Variants in SLCO1A2 observed in about 807,000 individuals in gnomAD.
The protein encoded by SLCO1A2 is OATP-1.
In SLCO1A2, 67 loss-of-function variants were observed where a neutral mutation model predicts 69.0. The ratio of observed to expected loss-of-function variants is 0.97; its 90% CI spans 0.80 to 1.19. The LOEUF (loss-of-function observed/expected upper bound fraction) is 1.19. Among genes scored for constraint, SLCO1A2 ranks in the 50% most tolerant of loss-of-function variants. SLCO1A2 has a pLI of 0.00. For synonymous variants in SLCO1A2, 260 were observed against 265.9 expected (o/e 0.98, Z 0.22); for missense variants, 787 against 793.7 (o/e 0.99, Z 0.10).
chr12:21,375,732 T>G (rs1043745659), intron 1 of SLCO1A2, among the ~76,000 whole-genome samples: 45 of 152,232 alleles, frequency 3.0e-4, no homozygotes, highest in Non-Finnish European at 4.0e-4. Context: ...TTTTGAAAAC[T>G]CTGGAGAGAC....
At chr12:21,278,541 G>C (rs1323335226) in intron 12 of SLCO1A2, among the ~76,000 whole-genome samples, 1 of 152,150 alleles carries the variant, frequency 6.6e-6, no homozygotes, top group African/African-American at 2.4e-5. Context: ...AGCACAGAGA[G>C]ACTCCACTTG....
chr12:21,386,935 T>A (rs1940910738), intron 1 of SLCO1A2, among the ~76,000 whole-genome samples: 2 of 152,148 alleles, frequency 1.3e-5, no homozygotes, highest in Admixed American at 1.3e-4. Context: ...ACTTGTTGAA[T>A]GGCTTTGATC....
At chr12:21,279,448 A>G (rs1944423126) in intron 12 of SLCO1A2, among the ~76,000 whole-genome samples, 1 of 152,186 alleles carries the variant, frequency 6.6e-6, no homozygotes, top group South Asian at 2.1e-4. Context: ...ACAATTCTAA[A>G]AGCAGCAAGA....
chr12:21,384,333 A>C (rs1371291087), intron 1 of SLCO1A2, among the ~76,000 whole-genome samples: 2 of 152,230 alleles, frequency 1.3e-5, no homozygotes, highest in African/African-American at 4.8e-5. Context: ...GATTTGCATA[A>C]GTAGATACCT....
intron 2 of SLCO1A2, among the ~76,000 whole-genome samples, chr12:21,328,661 T>C (rs1952413968): frequency 1.3e-5 from 2 of 152,152 alleles, no homozygotes. Context: ...CTTGGAGGCC[T>C]TCCCTCTTTC....
chr12:21,317,989 T>A (rs1951092175), intron 3 of SLCO1A2, among the ~76,000 whole-genome samples: 2 of 151,632 alleles, frequency 1.3e-5, no homozygotes, highest in Admixed American at 1.3e-4. Flanking sequence ...AAAGCAGTCT[T>A]TTCTTCTCTC....
Position 21,292,285 on chromosome 12 carries a change from G to A in SLCO1A2, c.1489C>T (p.Leu497Phe). The A allele has an allele frequency of 1.2e-6, 2 of 1,612,384 alleles. No individual in the cohort carries two copies. Among genetic ancestry groups the A allele is most frequent in the Non-Finnish European group, 1.7e-6 (2 of 1,178,874 alleles). Reference protein sequence around the residue: ...IQTSGNSSAVLGLCDKGPDCS... With the variant: ...IQTSGNSSAVFGLCDKGPDCS... ...TCAGGTCCTTTGTCGCACAGCCCAAGAACTGCAGATGAATTTCCTGATGTT... is the reference window on the plus strand; with the variant it reads ...TCAGGTCCTTTGTCGCACAGCCCAAAAACTGCAGATGAATTTCCTGATGTT... The change falls in exon 12 of 15, where the codon CTT becomes TTT. Residue 497 changes from leucine to phenylalanine, a missense_variant. By Grantham distance (22) the Leu-to-Phe change is conservative. Transcript: ENST00000683939.
chr12:21,376,482 T>G, intron 1 of SLCO1A2: 1 of 179,592 alleles, frequency 5.6e-6, no homozygotes. Flanking sequence ...AAATAAATAA[T>G]TGAACAGATA....
intron 1 of SLCO1A2, among the ~76,000 whole-genome samples, chr12:21,376,097 G>T (rs527393188): frequency 6.6e-6 from 1 of 152,146 alleles, no homozygotes; most frequent in Middle Eastern, 3.4e-3. Flanking sequence ...TCTTCTAAGT[G>T]GAATGATGGC....
intron 7 of SLCO1A2, 38 bp from the exon 8 acceptor site, chr12:21,300,607 A>T: frequency 6.9e-7 from 1 of 1,448,536 alleles, no homozygotes; most frequent in Non-Finnish European, 9.4e-7. Flanking sequence ...AGCTTAAGTC[A>T]GTATTTTCTG....
rs1211657021 is a variant in SLCO1A2, at chr12:21,266,522, T to C, written c.*3026A>G. The C allele has an allele frequency of 1.3e-5, 2 of 152,094 alleles. No individual in the cohort carries two copies. The highest frequency in any genetic ancestry group is 2.9e-5 in the Non-Finnish European group (2 of 68,022). The allele number at this position is 152,094 out of a possible 1,614,324, so 9.4% of individuals were successfully genotyped here. On this transcript the variant is annotated 3_prime_UTR_variant, in exon 15 of 15. Transcript: ENST00000683939. The stretch of plus-strand genomic sequence containing the variant: ...ATTTTTTCAATGTAGATAAATAATA[T>C]TTATTTCATAATAATAAATGATTCT...
chr12:21,317,495 T>C (rs1951026441), intron 3 of SLCO1A2, among the ~76,000 whole-genome samples: 1 of 152,230 alleles, frequency 6.6e-6, no homozygotes, highest in Admixed American at 6.5e-5. Context: ...CTTCTGTCCC[T>C]GTAAGACCTT....
At chr12:21,371,395 C>G (rs927849763) in intron 2 of SLCO1A2, among the ~76,000 whole-genome samples, 3 of 140,262 alleles carry the variant, frequency 2.1e-5, no homozygotes, top group Non-Finnish European at 4.6e-5. Flanking sequence ...CCTTCCATTT[C>G]TTTTGATTTT....
chr12:21,298,050 T>A (rs1948005160), intron 8 of SLCO1A2, among the ~76,000 whole-genome samples: 1 of 152,180 alleles, frequency 6.6e-6, no homozygotes, highest in South Asian at 2.1e-4. Flanking sequence ...AATAAAGATG[T>A]GTGGGAATTA....
At chr12:21,358,754 T>C (rs373719701) in intron 2 of SLCO1A2, among the ~76,000 whole-genome samples, 3 of 134,354 alleles carry the variant, frequency 2.2e-5, no homozygotes, top group Non-Finnish European at 4.8e-5. Flanking sequence ...TTGTTGGAGA[T>C]ACTTTTAAAA....
At chr12:21,306,008 G>A (rs989183452) in intron 5 of SLCO1A2, among the ~76,000 whole-genome samples, 1 of 152,142 alleles carries the variant, frequency 6.6e-6, no homozygotes. Context: ...GGTGCCTAGG[G>A]CTACCAGAAG....
chr12:21,271,476 A>C (rs1942823117), intron 14 of SLCO1A2, among the ~76,000 whole-genome samples: 1 of 151,570 alleles, frequency 6.6e-6, no homozygotes, highest in Non-Finnish European at 1.5e-5. Flanking sequence ...AAATATATCA[A>C]TATGTAAATT....
intron 2 of SLCO1A2, among the ~76,000 whole-genome samples, chr12:21,369,383 C>T (rs1401151060): frequency 6.6e-6 from 1 of 152,152 alleles, no homozygotes; most frequent in Admixed American, 6.5e-5. Context: ...TAATAGATTT[C>T]CTGTTTTTAC....
chr12:21,277,356 G>A (rs529382818), intron 12 of SLCO1A2, among the ~76,000 whole-genome samples: 5 of 152,052 alleles, frequency 3.3e-5, no homozygotes, highest in Non-Finnish European at 7.4e-5. Context: ...ATCACATGCT[G>A]GCTAAAGAGC....
Sources: allele counts gnomAD v4.1 joint callset (sites outside exome capture counted in the v4.1 genomes callset), GRCh38; gene constraint gnomAD v4.1.1; transcripts MANE v1.5; gene names NCBI Gene and HGNC (gene_info 2026-07-23, HGNC 2026-07-21).